Variants in DOK6 observed in about 807,000 individuals in gnomAD.
The protein encoded by DOK6 is docking protein 6, also known as downstream of tyrosine kinase 6.
Under a neutral mutation model 44.0 loss-of-function variants are expected in DOK6, and 22 were observed. The ratio of observed to expected loss-of-function variants is 0.50; its 90% CI spans 0.36 to 0.71. The LOEUF (loss-of-function observed/expected upper bound fraction) is 0.71. Among genes scored for constraint, DOK6 ranks in the 30% least tolerant of loss-of-function variants. The pLI, the probability that DOK6 is intolerant of heterozygous loss-of-function variation, is 0.00. For synonymous variants in DOK6, 166 were observed against 145.5 expected (o/e 1.14, Z -1.01); for missense variants, 340 against 416.4 (o/e 0.82, Z 1.60).
intron 3 of DOK6, among the ~76,000 whole-genome samples, chr18:69,668,573 G>T (rs1233397602): frequency 6.6e-6 from 1 of 152,054 alleles, no homozygotes; most frequent in Non-Finnish European, 1.5e-5. Context: ...ATTGAGGTGT[G>T]GTAGGAGTTT....
intron 1 of DOK6, among the ~76,000 whole-genome samples, chr18:69,516,141 G>A (rs62095297): frequency 0.12 from 17,542 of 152,232 alleles, 1,287 homozygotes; most frequent in Non-Finnish European, 0.16. Context: ...GTGCACCCTG[G>A]TGGAGTGCGT....
chr18:69,472,396 G>C (rs1329084851), intron 1 of DOK6, among the ~76,000 whole-genome samples: 1 of 152,140 alleles, frequency 6.6e-6, no homozygotes, highest in East Asian at 1.9e-4. Context: ...TAGAAGAAAA[G>C]GTGGCACATC....
intron 7 of DOK6, 62 bp from the exon 8 acceptor site, chr18:69,841,182 T>G: frequency 6.3e-7 from 1 of 1,592,818 alleles, no homozygotes; most frequent in Non-Finnish European, 8.6e-7. Flanking sequence ...AGATGATAGA[T>G]AGTGTATCTT....
At chr18:69,678,080 C>A (rs955933531) in intron 4 of DOK6, among the ~76,000 whole-genome samples, 1 of 152,096 alleles carries the variant, frequency 6.6e-6, no homozygotes, top group Admixed American at 6.6e-5. Flanking sequence ...AAAACCTCAT[C>A]TCTACTAAAA....
At chr18:69,423,965 A>G (rs2122412051) in intron 1 of DOK6, among the ~76,000 whole-genome samples, 1 of 152,270 alleles carries the variant, frequency 6.6e-6, no homozygotes, top group Admixed American at 6.5e-5. Context: ...AATATTTGCT[A>G]TTGAATTACG....
chr18:69,673,093 G>A (rs1357107653), intron 3 of DOK6, among the ~76,000 whole-genome samples: 19 of 152,090 alleles, frequency 1.2e-4, no homozygotes, highest in Non-Finnish European at 4.4e-5. Flanking sequence ...TAACTCCAGT[G>A]GGAACTAGAT....
chr18:69,659,881 GTT>G (rs1053387478), intron 3 of DOK6: 16 of 97,290 alleles, frequency 1.6e-4, no homozygotes, highest in African/African-American at 5.5e-4. Flanking sequence ...ATATATGTAT[GTT>G]TTATATATAT....
chr18:69,619,654 G>A (rs1025842033), intron 3 of DOK6, among the ~76,000 whole-genome samples: 2 of 152,208 alleles, frequency 1.3e-5, no homozygotes, highest in African/African-American at 2.4e-5. Context: ...TGAACTAATT[G>A]TCCACCAGTT....
At chr18:69,823,625 T>TG (rs1981641415) in intron 7 of DOK6, among the ~76,000 whole-genome samples, 1 of 146,760 alleles carries the variant, frequency 6.8e-6, no homozygotes. Flanking sequence ...GTGTGTGTGT[T>TG]TGTGTGTGTG....
chr18:69,587,988 G>T (rs1176798604), intron 2 of DOK6, among the ~76,000 whole-genome samples: 1 of 152,078 alleles, frequency 6.6e-6, no homozygotes, highest in African/African-American at 2.4e-5. Flanking sequence ...CTCTTTTATA[G>T]TTGAATTCTT....
intron 1 of DOK6, among the ~76,000 whole-genome samples, chr18:69,563,539 A>T (rs1424110493): frequency 6.6e-6 from 1 of 151,750 alleles, no homozygotes; most frequent in African/African-American, 2.4e-5. Context: ...TTCTCAGCAA[A>T]CTATCACAAG....
chr18:69,844,748 C>T lies in DOK6; in HGVS notation c.*3365C>T, dbSNP rs947855078. On this transcript the variant is annotated 3_prime_UTR_variant, in exon 8 of 8. Coordinates refer to ENST00000382713, the MANE Select transcript of DOK6 (RefSeq NM_152721.6). ...ATATATTTATATATGAGGGAAGATGCTGTTTGATAGAGCATGTGAAATCAA... is the reference window on the plus strand; with the variant it reads ...ATATATTTATATATGAGGGAAGATGTTGTTTGATAGAGCATGTGAAATCAA... 4 of 152,086 alleles carry T rather than the reference C, an allele frequency of 2.6e-5. No homozygotes were observed. Among genetic ancestry groups the T allele is most frequent in the African/African-American group, 9.7e-5 (4 of 41,408 alleles). 9.4% of individuals were successfully genotyped at this position (152,086 alleles called of 1,614,324 possible). A position where few individuals can be genotyped will look rare whatever the true frequency, so the allele number is the denominator to read the frequency against.
At chr18:69,823,614 A>C (rs1981639917) in intron 7 of DOK6, among the ~76,000 whole-genome samples, 1 of 129,722 alleles carries the variant, frequency 7.7e-6, no homozygotes, top group Admixed American at 7.6e-5. Flanking sequence ...GAGAAGGAGA[A>C]GTGTGTGTGT....
intron 1 of DOK6, among the ~76,000 whole-genome samples, chr18:69,562,724 C>T (rs937727277): frequency 6.6e-6 from 1 of 152,144 alleles, no homozygotes; most frequent in South Asian, 2.1e-4. Flanking sequence ...TAATACCATT[C>T]AGGACATAGG....
At chr18:69,751,751 T>G (rs1050596471) in intron 6 of DOK6, among the ~76,000 whole-genome samples, 1 of 152,234 alleles carries the variant, frequency 6.6e-6, no homozygotes, top group Admixed American at 6.5e-5. Context: ...ACACCTCTAA[T>G]GGCAGTGCTT....
rs114078730 is a variant in DOK6 at position 69,439,258 on chromosome 18, C to A, written c.66+37948C>A. Among the ~76,000 whole-genome samples, 1,026 of 152,174 alleles carry A rather than the reference C, an allele frequency of 6.7e-3. 9 individuals carry two copies. The highest frequency in any genetic ancestry group is 0.023 in the African/African-American group (965 of 41,530). On this transcript the variant is annotated intron_variant, in intron 1 of 7. Coordinates refer to ENST00000382713, the MANE Select transcript of DOK6 (RefSeq NM_152721.6). ...TATGCTGTCATCCAGGCTTTGTTGTCCTGTTTATAGAGTACTGGCAGAGTA... is the reference window on the plus strand; with the variant it reads ...TATGCTGTCATCCAGGCTTTGTTGTACTGTTTATAGAGTACTGGCAGAGTA...
At chr18:69,554,509 T>C (rs1982641534) in intron 1 of DOK6, among the ~76,000 whole-genome samples, 1 of 152,260 alleles carries the variant, frequency 6.6e-6, no homozygotes, top group Admixed American at 6.5e-5. Flanking sequence ...TATGTAACCA[T>C]AGTTCATGTA....
At chr18:69,566,248 T>A (rs1648972652) in intron 2 of DOK6, among the ~76,000 whole-genome samples, 1 of 152,102 alleles carries the variant, frequency 6.6e-6, no homozygotes, top group Non-Finnish European at 1.5e-5. Context: ...ACCATTCTCC[T>A]GCCTCAGCCT....
At chr18:69,606,814 A>C (rs1233630861) in intron 3 of DOK6, among the ~76,000 whole-genome samples, 1 of 133,180 alleles carries the variant, frequency 7.5e-6, no homozygotes, top group African/African-American at 2.9e-5. Flanking sequence ...AGGCTGCTGG[A>C]GTGCAGTGGC....
Sources: allele counts gnomAD v4.1 joint callset (sites outside exome capture counted in the v4.1 genomes callset), GRCh38; gene constraint gnomAD v4.1.1; transcripts MANE v1.5; gene names NCBI Gene and HGNC (gene_info 2026-07-23, HGNC 2026-07-21).